Variants in TLN2 observed in about 807,000 individuals in gnomAD.
The protein encoded by TLN2 is talin 2.
Under a neutral mutation model 294.7 loss-of-function variants are expected in TLN2, and 118 were observed. That is an observed-to-expected ratio of 0.40 (90% CI 0.34 to 0.47). TLN2 has a LOEUF of 0.47. Among genes scored for constraint, TLN2 ranks in the 20% least tolerant of loss-of-function variants. The pLI is 0.84. For missense variants in TLN2, 3,083 were observed against 3,282.2 expected, an observed-to-expected ratio of 0.94 and a Z score of 1.48; for synonymous variants, 1,431 against 1,304.5, an observed-to-expected ratio of 1.10 and a Z score of -2.09.
In TLN2 at chr15:62,755,530, A is replaced by G; in HGVS notation, c.4477-2A>G. 6.2e-7 allele frequency: 1 copy of G among 1,614,006 alleles called. No individual in the cohort carries two copies. Among genetic ancestry groups the G allele is most frequent in the Non-Finnish European group, 8.5e-7 (1 of 1,179,912 alleles). On this transcript the variant is annotated splice_acceptor_variant, in intron 36 of 58. Transcript: ENST00000636159. LOFTEE classifies it high-confidence loss of function. ...CCCCCAACCTAGCTCCATGCTTTGTAGGTCCTGTCAGCCGCCACAATTGTT... is the reference window on the plus strand; with the variant it reads ...CCCCCAACCTAGCTCCATGCTTTGTGGGTCCTGTCAGCCGCCACAATTGTT...
Position 62,653,226 on chromosome 15 carries a change from A to G in TLN2, c.429A>G (p.Gly143=). 6.2e-7 allele frequency: 1 copy of G among 1,612,950 alleles called. No homozygotes were observed. Among genetic ancestry groups the G allele is most frequent in the Non-Finnish European group, 8.5e-7 (1 of 1,179,608 alleles). ...QETIEEKKEE[G]TGTLKKDRTL... is the part of the protein sequence containing the mutation. ...CTATTGAAGAAAAGAAAGAGGAAGG[A>G]ACGGGCACACTCAAAAAAGACAGGA... Residue 143 remains glycine, a synonymous_variant, in exon 7 of 59, where the codon GGA becomes GGG. Transcript: ENST00000636159.
At chr15:62,753,414 CAA>C (rs2062045372) in intron 35 of TLN2, among the ~76,000 whole-genome samples, 1 of 152,182 alleles carries the variant, frequency 6.6e-6, no homozygotes, top group African/African-American at 2.4e-5. Flanking sequence ...GTCTGCCAGC[CAA>C]AGAGTCAGCT....
intron 1 of TLN2, among the ~76,000 whole-genome samples, chr15:62,458,392 A>G (rs2036603178): frequency 6.6e-6 from 1 of 152,008 alleles, no homozygotes; most frequent in South Asian, 2.1e-4. Flanking sequence ...TGCCTTTCCA[A>G]TTTCTCATTC....
At chr15:62,582,052 A>AAAAAAG (rs1023784028) in intron 1 of TLN2, among the ~76,000 whole-genome samples, 1 of 151,696 alleles carries the variant, frequency 6.6e-6, no homozygotes, top group Non-Finnish European at 1.5e-5. Flanking sequence ...CTAGAAAAAA[A>AAAAAAG]AAAAAGAAAA....
chr15:62,795,252 G>A (rs561162255), intron 46 of TLN2, among the ~76,000 whole-genome samples: 1 of 152,284 alleles, frequency 6.6e-6, no homozygotes, highest in Admixed American at 6.5e-5. Flanking sequence ...TGCAGGCAGA[G>A]CGCAGACCCA....
At chr15:62,835,357 G>A (rs2069398528) in intron 55 of TLN2, 1 of 244,382 alleles carries the variant, frequency 4.1e-6, no homozygotes, top group Non-Finnish European at 8.0e-6. Flanking sequence ...ATTTCTCTTA[G>A]CCCTTGAAAA....
At chr15:62,724,912 CAA>C (rs2060353257) in intron 26 of TLN2, 62 bp from the exon 27 acceptor site, 10 of 1,542,814 alleles carry the variant, frequency 6.5e-6, no homozygotes, top group Non-Finnish European at 8.8e-6. Flanking sequence ...TTATAAGTTG[CAA>C]AAGTGTTGGG....
At chr15:62,836,389 T>C (rs1021501652) in intron 57 of TLN2, among the ~76,000 whole-genome samples, 1 of 152,224 alleles carries the variant, frequency 6.6e-6, no homozygotes, top group African/African-American at 2.4e-5. Flanking sequence ...GGGCAGTTTA[T>C]CCCTCCTCTG....
chr15:62,500,782 A>C (rs990653502), intron 1 of TLN2, among the ~76,000 whole-genome samples: 1 of 152,216 alleles, frequency 6.6e-6, no homozygotes, highest in African/African-American at 2.4e-5. Flanking sequence ...TTTTTGCCTC[A>C]ATTGGGCAAC....
intron 9 of TLN2, among the ~76,000 whole-genome samples, chr15:62,660,135 G>A (rs1016181656): frequency 6.6e-6 from 1 of 152,170 alleles, no homozygotes; most frequent in Non-Finnish European, 1.5e-5. Flanking sequence ...CAGTTACGTA[G>A]TTTCTGAGGC....
At chr15:62,434,913 T>A (rs755097789) in intron 1 of TLN2, among the ~76,000 whole-genome samples, 5 of 152,210 alleles carry the variant, frequency 3.3e-5, no homozygotes, top group Non-Finnish European at 7.3e-5. Flanking sequence ...TTCTTTCTGA[T>A]GCTCTCCTTT....
At chr15:62,461,740 G>A (rs1487211341) in intron 1 of TLN2, among the ~76,000 whole-genome samples, 5 of 152,140 alleles carry the variant, frequency 3.3e-5, no homozygotes, top group African/African-American at 9.7e-5. Flanking sequence ...TGAGAGCAAG[G>A]CCAACAGGTA....
chr15:62,722,633 G>A, intron 26 of TLN2, 146 bp downstream of exon 26: 1 of 1,026,682 alleles, frequency 9.7e-7, no homozygotes, highest in Non-Finnish European at 1.3e-6. Context: ...GCCCCTGTGG[G>A]TTGGCTTTTG....
At chr15:62,532,157 C>T (rs1360798501) in intron 1 of TLN2, among the ~76,000 whole-genome samples, 1 of 152,004 alleles carries the variant, frequency 6.6e-6, no homozygotes, top group Non-Finnish European at 1.5e-5. Context: ...TCAGGCAATC[C>T]TCCCGTCTTG....
At chr15:62,657,714 G>C (rs2053383740) in intron 8 of TLN2, 57 bp from the exon 9 acceptor site, 4 of 1,581,768 alleles carry the variant, frequency 2.5e-6, no homozygotes, top group Non-Finnish European at 3.4e-6. Context: ...TGCGTCAGTG[G>C]AGAGAACGTG....
chr15:62,843,209 C>G lies in TLN2; in HGVS notation c.*2599C>G, dbSNP rs2070878533. 6.6e-6 allele frequency: 1 copy of G among 152,170 alleles called. No homozygotes were observed. The highest frequency in any genetic ancestry group is 6.5e-5 in the Admixed American group (1 of 15,280). 9.4% of individuals were successfully genotyped at this position (152,170 alleles called of 1,614,324 possible). On this transcript the variant is annotated 3_prime_UTR_variant, in exon 59 of 59. Coordinates refer to ENST00000636159, the MANE Select transcript of TLN2 (RefSeq NM_015059.3). ...GTTGACATGTGGTTCTTCTCACACC[C>G]CTCTACTCCTCGAGGGCTTTGAATC...
At chr15:62,825,100 A>G (rs546525629) in intron 54 of TLN2, among the ~76,000 whole-genome samples, 1 of 152,292 alleles carries the variant, frequency 6.6e-6, no homozygotes, top group East Asian at 1.9e-4. Context: ...CTGGAGTTAC[A>G]TAATGGATCC....
At chr15:62,684,781 T>A (rs77480882) in intron 11 of TLN2, among the ~76,000 whole-genome samples, 1 of 151,826 alleles carries the variant, frequency 6.6e-6, no homozygotes, top group South Asian at 2.1e-4. Context: ...CTCACCACTG[T>A]TGGCTTTGGT....
At chr15:62,401,689 G>T (rs2033034198) in intron 1 of TLN2, among the ~76,000 whole-genome samples, 1 of 152,144 alleles carries the variant, frequency 6.6e-6, no homozygotes, top group African/African-American at 2.4e-5. Flanking sequence ...ATTCTTTGGA[G>T]ATTTTAGCAT....
Sources: allele counts gnomAD v4.1 joint callset (sites outside exome capture counted in the v4.1 genomes callset), GRCh38; gene constraint gnomAD v4.1.1; transcripts MANE v1.5; gene names NCBI Gene and HGNC (gene_info 2026-07-23, HGNC 2026-07-21).